The following ANTXR1 variants were observed in gnomAD, a reference collection of about 807,000 sequenced individuals.
ANTXR1 encodes the protein anthrax toxin receptor 1.
In ANTXR1, 19 loss-of-function variants were observed where a neutral mutation model predicts 78.1. The ratio of observed to expected loss-of-function variants is 0.24; its 90% confidence interval spans 0.17 to 0.36. The LOEUF is 0.36. Among genes scored for constraint, ANTXR1 ranks in the 10% least tolerant of loss-of-function variants. The probability of loss-of-function intolerance (pLI) is 1.00; values close to 1 mark genes in which losing one functional copy is unlikely to be tolerated. For synonymous variants in ANTXR1, 273 were observed against 260.5 expected (o/e 1.05, Z -0.46); for missense variants, 518 against 718.6 (o/e 0.72, Z 3.19).
At chr2:69,117,305 G>A (rs1672177480) in intron 10 of ANTXR1, among the ~76,000 whole-genome samples, 1 of 152,170 alleles carries the variant, frequency 6.6e-6, no homozygotes, top group Admixed American at 6.5e-5. Flanking sequence ...TTGAATTCCG[G>A]CTCTGACACT....
At chr2:69,073,164 G>A (rs1404113515) in intron 6 of ANTXR1, 63 bp downstream of exon 6, 2 of 1,449,248 alleles carry the variant, frequency 1.4e-6, no homozygotes, top group African/African-American at 2.8e-5. Context: ...TTTCTAAAAT[G>A]GGCCACACTC....
At chr2:69,064,440 C>T (rs992280026) in intron 3 of ANTXR1, among the ~76,000 whole-genome samples, 1 of 152,114 alleles carries the variant, frequency 6.6e-6, no homozygotes, top group East Asian at 1.9e-4. Flanking sequence ...CTAATGGAGC[C>T]TTAGTTTTTG....
At chr2:69,028,656 A>C (rs1671429500) in intron 1 of ANTXR1, among the ~76,000 whole-genome samples, 1 of 152,218 alleles carries the variant, frequency 6.6e-6, no homozygotes, top group Admixed American at 6.5e-5. Flanking sequence ...CCATTGAATC[A>C]ATTTTAGCAA....
chr2:69,060,527 A>G (rs141431307), intron 3 of ANTXR1, among the ~76,000 whole-genome samples: 1 of 152,334 alleles, frequency 6.6e-6, no homozygotes, highest in African/African-American at 2.4e-5. Flanking sequence ...CAACTTACAT[A>G]GAAATGTGAG....
chr2:69,158,535 C>T (rs1212356035), intron 13 of ANTXR1, among the ~76,000 whole-genome samples: 1 of 152,156 alleles, frequency 6.6e-6, no homozygotes, highest in Non-Finnish European at 1.5e-5. Flanking sequence ...CAGACAGTCC[C>T]CAACTTATGG....
chr2:69,031,541 G>A (rs943858970), intron 1 of ANTXR1, among the ~76,000 whole-genome samples: 8 of 152,072 alleles, frequency 5.3e-5, no homozygotes, highest in South Asian at 2.1e-4. Context: ...TAGGGTAATT[G>A]GCTCCTAGAG....
At chr2:69,241,145 C>T (rs1372183408) in intron 17 of ANTXR1, among the ~76,000 whole-genome samples, 1 of 152,140 alleles carries the variant, frequency 6.6e-6, no homozygotes, top group Non-Finnish European at 1.5e-5. Flanking sequence ...CACCCAAAAC[C>T]AATACTGTGG....
chr2:69,075,693 C>T (rs1670709359), intron 7 of ANTXR1, 35 bp downstream of exon 7: 11 of 1,586,818 alleles, frequency 6.9e-6, no homozygotes, highest in African/African-American at 2.7e-5. Context: ...TTGGAGCATA[C>T]TGAGCTTGTG....
chr2:69,196,847 G>A (rs993855631), intron 17 of ANTXR1, among the ~76,000 whole-genome samples: 1 of 152,170 alleles, frequency 6.6e-6, no homozygotes, highest in Non-Finnish European at 1.5e-5. Context: ...TTCCTCCTTA[G>A]TTCCTGTCTC....
intron 17 of ANTXR1, among the ~76,000 whole-genome samples, chr2:69,195,551 C>G (rs545726010): frequency 1.6e-4 from 24 of 152,230 alleles, no homozygotes; most frequent in Admixed American, 1.4e-3. Context: ...GTTGACTTGG[C>G]CCTCATCACA....
chr2:69,075,104 G>A (rs1465805725), intron 6 of ANTXR1, among the ~76,000 whole-genome samples: 4 of 152,182 alleles, frequency 2.6e-5, no homozygotes, highest in East Asian at 1.9e-4. Flanking sequence ...GAGTATCTAC[G>A]TGGTTCTAGC....
chr2:69,077,384 T>A, intron 7 of ANTXR1, 24 bp from the exon 8 acceptor site: 2 of 1,613,528 alleles, frequency 1.2e-6, no homozygotes, highest in Non-Finnish European at 1.7e-6. Flanking sequence ...TCCCCATGTG[T>A]TTGTGTATTT....
At chr2:69,113,140 G>T (rs1422971349) in intron 10 of ANTXR1, among the ~76,000 whole-genome samples, 1 of 152,168 alleles carries the variant, frequency 6.6e-6, no homozygotes, top group Non-Finnish European at 1.5e-5. Context: ...TTTGTTTTAT[G>T]CATGTCTGGG....
At chr2:69,015,118 T>C (rs1014404841) in intron 1 of ANTXR1, among the ~76,000 whole-genome samples, 2 of 151,588 alleles carry the variant, frequency 1.3e-5, no homozygotes, top group Non-Finnish European at 2.9e-5. Flanking sequence ...TCTGAATGGA[T>C]GACTGTAGAG....
At chr2:69,242,654 C>G (rs988315989) in intron 17 of ANTXR1, among the ~76,000 whole-genome samples, 2 of 152,214 alleles carry the variant, frequency 1.3e-5, no homozygotes, top group Non-Finnish European at 2.9e-5. Flanking sequence ...CTTCATCTTT[C>G]AAGGACATGA....
At chr2:69,143,876 T>C (rs1673144064) in intron 12 of ANTXR1, among the ~76,000 whole-genome samples, 1 of 152,188 alleles carries the variant, frequency 6.6e-6, no homozygotes, top group Non-Finnish European at 1.5e-5. Flanking sequence ...GAGTCACAGA[T>C]GCCAGAGGAA....
chr2:69,171,026 T>G (rs961346477), intron 14 of ANTXR1, among the ~76,000 whole-genome samples: 4 of 152,110 alleles, frequency 2.6e-5, no homozygotes, highest in Non-Finnish European at 5.9e-5. Context: ...AGAAGTAACA[T>G]CCACCCATTC....
intron 12 of ANTXR1, among the ~76,000 whole-genome samples, chr2:69,150,077 G>A (rs1673349922): frequency 6.6e-6 from 1 of 152,190 alleles, no homozygotes; most frequent in African/African-American, 2.4e-5. Context: ...CTCTGGCTAG[G>A]GACCAGAGGT....
intron 2 of ANTXR1, 59 bp from the exon 3 acceptor site, chr2:69,044,682 GA>G (rs1669711160): frequency 6.4e-7 from 1 of 1,558,004 alleles, no homozygotes; most frequent in Non-Finnish European, 8.9e-7. Context: ...GAGGGAGCCT[GA>G]AGGGAGTGGC....
Sources: gnomAD v4.1 joint callset for allele counts (sites outside exome capture counted in the v4.1 genomes callset) on GRCh38, gnomAD v4.1.1 for gene constraint, MANE v1.5 for transcripts, NCBI Gene and HGNC (gene_info 2026-07-23, HGNC 2026-07-21) for gene names.